The following INTS10 variants were observed in gnomAD, a reference collection of about 807,000 sequenced individuals.
The protein encoded by INTS10 is integrator complex subunit 10.
In INTS10, 44 loss-of-function variants were observed where a neutral mutation model predicts 94.4. The observed-to-expected ratio is 0.47, with a 90% CI of 0.37 to 0.60. The LOEUF is 0.60. Among genes scored for constraint, INTS10 ranks in the 20% least tolerant of loss-of-function variants. The pLI, the probability that INTS10 is intolerant of heterozygous loss-of-function variation, is 0.00. For synonymous variants in INTS10, 341 were observed against 320.7 expected (o/e 1.06, Z -0.68); for missense variants, 797 against 868.7 (o/e 0.92, Z 1.04).
chr8:19,822,643 CTT>C, intron 5 of INTS10, 123 bp downstream of exon 5: 8 of 529,076 alleles, frequency 1.5e-5, no homozygotes, highest in East Asian at 6.9e-5. Context: ...CATTTAAGTT[CTT>C]TTTTTTTTAA....
intron 13 of INTS10, among the ~76,000 whole-genome samples, chr8:19,842,227 A>G (rs1193392990): frequency 3.3e-5 from 5 of 152,260 alleles, no homozygotes; most frequent in Non-Finnish European, 5.9e-5. Flanking sequence ...CTGAAAATGA[A>G]TGAACTAGAG....
In INTS10 at chr8:19,846,444, AC is replaced by A. The variant is rs1357496566; in HGVS notation, c.1976+648del. 1.8e-3 allele frequency among the ~76,000 whole-genome samples: 265 copies of A among 143,586 alleles called. 1 individual carries two copies. Among genetic ancestry groups the A allele is most frequent in the African/African-American group, 6.6e-3 (251 of 38,004 alleles). The allele number at this position is 143,586 out of a possible 152,430, so 94.2% of individuals were successfully genotyped here. A position where few individuals can be genotyped will look rare whatever the true frequency, so the allele number is the denominator to read the frequency against. ...GTGAAACTCCATCTCAAAAAAAAAAACAAACAAACAAAACAGCTGTGCTTAA... is the reference window on the plus strand; with the variant it reads ...GTGAAACTCCATCTCAAAAAAAAAAAAAACAAACAAAACAGCTGTGCTTAA... On this transcript the variant is annotated intron_variant, in intron 16 of 16. Coordinates refer to ENST00000397977, the MANE Select transcript of INTS10 (RefSeq NM_018142.4). This position sits in a 1 kb window ranked among gnomAD's most constrained non-coding sequence, Gnocchi z 4.2.
At chr8:19,837,287 T>G (rs1273942012) in intron 13 of INTS10, 127 bp downstream of exon 13, 1 of 682,156 alleles carries the variant, frequency 1.5e-6, no homozygotes, top group African/African-American at 1.8e-5. Flanking sequence ...CCCAGGAGTT[T>G]GAGACCAGCC....
intron 1 of INTS10, 96 bp downstream of exon 1, chr8:19,817,762 T>C: frequency 7.0e-7 from 1 of 1,437,612 alleles, no homozygotes; most frequent in Non-Finnish European, 9.3e-7. Flanking sequence ...GCCTGGGGGC[T>C]GCCGCCTCCT....
intron 10 of INTS10, among the ~76,000 whole-genome samples, chr8:19,831,603 CTGCT>C (rs1335717237): frequency 1.3e-5 from 2 of 152,150 alleles, no homozygotes; most frequent in African/African-American, 4.8e-5. Flanking sequence ...GGTAGGAGGA[CTGCT>C]TGAGGCCGGA....
At chr8:19,831,921 T>C (rs2067258021) in intron 10 of INTS10, 107 bp from the exon 11 acceptor site, 2 of 713,372 alleles carry the variant, frequency 2.8e-6, no homozygotes, top group East Asian at 5.1e-5. Context: ...AAAGTTACTA[T>C]ACATTTTTGG....
intron 10 of INTS10, among the ~76,000 whole-genome samples, chr8:19,830,777 GTTC>G (rs1158944367): frequency 6.6e-6 from 1 of 152,118 alleles, no homozygotes; most frequent in East Asian, 1.9e-4. Flanking sequence ...GGTTCAAACA[GTTC>G]TTCTGCCTCA....
chr8:19,824,726 C>T, intron 7 of INTS10, 77 bp from the exon 8 acceptor site: 1 of 955,798 alleles, frequency 1.0e-6, no homozygotes, highest in Non-Finnish European at 1.6e-6. Context: ...GTAATGGTAC[C>T]ACCAGAGCTT....
intron 11 of INTS10, among the ~76,000 whole-genome samples, 155 bp from the exon 12 acceptor site, chr8:19,833,014 T>C (rs1270289821): frequency 6.6e-6 from 1 of 152,224 alleles, no homozygotes; most frequent in East Asian, 1.9e-4. Context: ...TTGATTCTAT[T>C]GCCAATTCTC....
chr8:19,850,028 C>T (rs1357445122), intron 16 of INTS10, among the ~76,000 whole-genome samples: 2 of 150,698 alleles, frequency 1.3e-5, no homozygotes, highest in East Asian at 3.9e-4. Context: ...GAGGCTGAGG[C>T]ACAAGAATTG....
rs774941707 is a variant in INTS10 at position 19,823,377 on chromosome 8, C to G, written c.600C>G (p.Asn200Lys). 4 of 1,605,258 alleles carry G rather than the reference C, an allele frequency of 2.5e-6. No homozygotes were observed. Among genetic ancestry groups the G allele is most frequent in the Admixed American group, 1.7e-5 (1 of 59,972 alleles). The change falls in exon 6 of 17, where the codon AAC becomes AAG. Residue 200 changes from asparagine to lysine, a missense_variant. By Grantham distance (94) the Asn-to-Lys change is moderately conservative. This residue lies in a region of INTS10 where 734 missense variants were observed against 787.8 expected (regional missense o/e 0.93). Transcript: ENST00000397977. ...CCAATTTATTGTATAAGTACTTGAA[C>G]AAAGCAGCTGAATTTTATATCAATT... is the stretch of plus-strand genomic sequence containing the variant. The part of the protein sequence containing the change: ...LPANLLYKYL[N>K]KAAEFYINYV...
intron 5 of INTS10, among the ~76,000 whole-genome samples, chr8:19,822,948 CAA>C (rs150654357): frequency 0.029 from 3,439 of 119,148 alleles, 134 homozygotes; most frequent in African/African-American, 0.11. Flanking sequence ...GACTCTGTCT[CAA>C]AAAAAAAAAA....
intron 8 of INTS10, among the ~76,000 whole-genome samples, chr8:19,825,648 A>T (rs1369377683): frequency 6.6e-6 from 1 of 152,220 alleles, no homozygotes; most frequent in African/African-American, 2.4e-5. Flanking sequence ...GTATATGCAT[A>T]AATATACTGT....
Position 19,851,549 on chromosome 8 carries a change from C to G in INTS10, c.1977-100C>G. The stretch of plus-strand genomic sequence containing the variant: ...TCTTTTTAAAATATCTGAAATTATA[C>G]TTAGATATGGGGCAGGCTTTATTCC... On this transcript the variant is annotated intron_variant, in intron 16 of 16. Transcript: ENST00000397977. This position sits in a 1 kb window ranked among gnomAD's most constrained non-coding sequence, Gnocchi z 5.0. 2.0e-6 allele frequency: 2 copies of G among 1,012,590 alleles called. No individual in the cohort carries two copies. The highest frequency in any genetic ancestry group is 3.0e-6 in the Non-Finnish European group (2 of 666,078). The allele number at this position is 1,012,590 out of a possible 1,614,324, so 62.7% of individuals were successfully genotyped here.
At position 19,837,038 on chromosome 8, in the gene INTS10, C is replaced by G. The variant is rs763675169; in HGVS notation, c.1531-14C>G. 1.9e-6 allele frequency: 3 copies of G among 1,567,220 alleles called. No individual in the cohort carries two copies. Among genetic ancestry groups the G allele is most frequent in the South Asian group, 1.1e-5 (1 of 89,158 alleles). On this transcript the variant is annotated splice_polypyrimidine_tract_variant and intron_variant, in intron 12 of 16. Coordinates refer to ENST00000397977, the MANE Select transcript of INTS10 (RefSeq NM_018142.4). Reference sequence around the variant, plus strand: ...AGCTTCAAGTTAGTTCCTTTTTGGTCTTTTCTGCTTTAGATGACATGTGAA... The same window carrying G: ...AGCTTCAAGTTAGTTCCTTTTTGGTGTTTTCTGCTTTAGATGACATGTGAA...
chr8:19,825,235 A>G (rs1465893787), intron 8 of INTS10, among the ~76,000 whole-genome samples: 2 of 152,236 alleles, frequency 1.3e-5, no homozygotes, highest in African/African-American at 4.8e-5. Flanking sequence ...CTATTTTGAA[A>G]ATAACAGCAG....
In INTS10 at chr8:19,846,444, A is replaced by G. The variant is rs866339610; in HGVS notation, c.1976+647A>G. On this transcript the variant is annotated intron_variant, in intron 16 of 16. Coordinates refer to ENST00000397977, the MANE Select transcript of INTS10 (RefSeq NM_018142.4). The surrounding 1 kb of genome is among the most constrained non-coding windows in gnomAD (Gnocchi z 4.2). ...GTGAAACTCCATCTCAAAAAAAAAAACAAACAAACAAAACAGCTGTGCTTA... is the reference window on the plus strand; with the variant it reads ...GTGAAACTCCATCTCAAAAAAAAAAGCAAACAAACAAAACAGCTGTGCTTA... 7.7e-4 allele frequency among the ~76,000 whole-genome samples: 111 copies of G among 143,600 alleles called. No homozygotes were observed. Among genetic ancestry groups the G allele is most frequent in the African/African-American group, 2.8e-3 (108 of 38,018 alleles). 94.2% of individuals were successfully genotyped at this position (143,600 alleles called of 152,430 possible).
At chr8:19,824,088 G>C (rs1318839912) in intron 7 of INTS10, 44 bp downstream of exon 7, 1 of 1,482,210 alleles carries the variant, frequency 6.7e-7, no homozygotes, top group Non-Finnish European at 9.1e-7. Context: ...GATTCTTTTG[G>C]ATCCTTATAA....
rs1055985656 is a variant in INTS10, at chr8:19,851,759, G to T, written c.2087G>T (p.Arg696Met). 4 of 1,614,162 alleles carry T rather than the reference G, an allele frequency of 2.5e-6. No homozygotes were observed. The Admixed American group carries it at 6.7e-5, about 27-fold the overall frequency. ...CGENLMVVLH[R>M]FCINEKILLL... ...GAGAATCTGATGGTGGTTCTGCACA[G>T]GTTCTGCATTAATGAGAAGATCTTG... Residue 696 changes from arginine to methionine, a missense_variant, in exon 17 of 17, where the codon AGG becomes ATG. By Grantham distance (91) the Arg-to-Met change is moderately conservative. Transcript: ENST00000397977. The surrounding 1 kb of genome is among the most constrained non-coding windows in gnomAD (Gnocchi z 5.0).
Sources: allele counts gnomAD v4.1 joint callset (sites outside exome capture counted in the v4.1 genomes callset), GRCh38; gene constraint gnomAD v4.1.1; regional missense constraint gnomAD v4.1.1; non-coding constraint Gnocchi (gnomAD v3.1); transcripts MANE v1.5; gene names NCBI Gene and HGNC (gene_info 2026-07-23, HGNC 2026-07-21).